The following SEMA3D variants were observed in gnomAD, a reference collection of about 807,000 sequenced individuals.
SEMA3D encodes semaphorin 3D, also known as semaphorin-3D.
SEMA3D carries 84 observed loss-of-function variants against 100.1 expected under a neutral mutation model. The observed-to-expected ratio is 0.84, with a 90% CI of 0.70 to 1.01. SEMA3D has a LOEUF of 1.01. SEMA3D is among the 50% of genes least tolerant of loss of function. The pLI, the probability that SEMA3D is intolerant of heterozygous loss-of-function variation, is 0.00. For missense variants in SEMA3D, 875 were observed against 934.1 expected, an observed-to-expected ratio of 0.94 and a Z score of 0.82; for synonymous variants, 312 against 320.7, an observed-to-expected ratio of 0.97 and a Z score of 0.29.
rs1789510414 is a variant in SEMA3D at position 84,996,700 on chromosome 7, C to CAAAG, written c.*2736_*2739dup. 5 of 152,268 alleles carry CAAAG rather than the reference C, an allele frequency of 3.3e-5. No homozygotes were observed. In the South Asian group the frequency reaches 1.0e-3, roughly 32 times the overall value. The allele number at this position is 152,268 out of a possible 1,614,324, so 9.4% of individuals were successfully genotyped here. On this transcript the variant is annotated 3_prime_UTR_variant, in exon 19 of 19. Transcript: ENST00000284136. ...TTCAGAAAAGAACACACAAGGCAGA[C>CAAAG]AAAGACAAAAGTATTAGAGACAAGA...
chr7:85,102,304 G>A (rs890064974), intron 3 of SEMA3D, among the ~76,000 whole-genome samples: 5 of 152,076 alleles, frequency 3.3e-5, no homozygotes, highest in African/African-American at 2.4e-5. Context: ...CAGGTTGCAC[G>A]TACATACTGC....
At chr7:85,111,777 GTTAA>G (rs1420890717) in intron 3 of SEMA3D, among the ~76,000 whole-genome samples, 16 of 152,038 alleles carry the variant, frequency 1.1e-4, no homozygotes, top group Admixed American at 3.3e-4. Context: ...CCTCTCTCCT[GTTAA>G]TTGTCTATTT....
chr7:85,203,564 T>G, the SEMA3D span, among the ~76,000 whole-genome samples: 74 of 152,196 alleles, frequency 4.9e-4, 1 homozygote, highest in Middle Eastern at 3.4e-3. Flanking sequence ...ACTGTGTGGG[T>G]AGAAGAGGTT....
intron 2 of SEMA3D, among the ~76,000 whole-genome samples, chr7:85,134,852 G>T (rs1350599748): frequency 6.6e-6 from 1 of 151,968 alleles, no homozygotes; most frequent in African/African-American, 2.4e-5. Flanking sequence ...CTCCCCAAGT[G>T]TCCAAGGAAC....
At chr7:85,104,744 T>C (rs890202484) in intron 3 of SEMA3D, among the ~76,000 whole-genome samples, 1 of 151,256 alleles carries the variant, frequency 6.6e-6, no homozygotes, top group African/African-American at 2.4e-5. Context: ...CTGGGTGGAG[T>C]TGTCAGTTTC....
At chr7:85,175,177 C>T (rs1228889186) in intron 1 of SEMA3D, among the ~76,000 whole-genome samples, 1 of 152,050 alleles carries the variant, frequency 6.6e-6, no homozygotes, top group Admixed American at 6.6e-5. Flanking sequence ...TGAAAGTGCA[C>T]AGGATATGAA....
At chr7:85,001,904 A>G (rs1046484896) in intron 18 of SEMA3D, among the ~76,000 whole-genome samples, 1 of 152,126 alleles carries the variant, frequency 6.6e-6, no homozygotes, top group Non-Finnish European at 1.5e-5. Context: ...TCATCTCTAG[A>G]TTTCCTTTAC....
At chr7:85,172,003 T>G (rs934597860) in intron 1 of SEMA3D, among the ~76,000 whole-genome samples, 5 of 151,550 alleles carry the variant, frequency 3.3e-5, no homozygotes, top group East Asian at 3.9e-4. Flanking sequence ...ATAATATATA[T>G]AGAGAGAGAC....
chr7:85,035,086 C>T (rs1448612914), intron 12 of SEMA3D, among the ~76,000 whole-genome samples: 3 of 151,572 alleles, frequency 2.0e-5, no homozygotes, highest in South Asian at 2.1e-4. Flanking sequence ...AAATGTCTGT[C>T]AACAGATGAA....
intron 8 of SEMA3D, among the ~76,000 whole-genome samples, chr7:85,059,740 A>G (rs1463335988): frequency 2.6e-5 from 4 of 152,204 alleles, no homozygotes; most frequent in African/African-American, 9.6e-5. Context: ...AAGGGGTTCC[A>G]TGAGCTGATT....
chr7:85,090,377 G>C (rs186496360), intron 4 of SEMA3D, among the ~76,000 whole-genome samples: 1 of 152,052 alleles, frequency 6.6e-6, no homozygotes, highest in South Asian at 2.1e-4. Flanking sequence ...TGAACGAGTC[G>C]ATTGTTTTAG....
chr7:85,072,439 T>C (rs1791800653), intron 6 of SEMA3D, among the ~76,000 whole-genome samples: 3 of 152,324 alleles, frequency 2.0e-5, no homozygotes, highest in Middle Eastern at 3.4e-3. Context: ...GCAATTCCAC[T>C]GCAAGATCTT....
upstream of SEMA3D, among the ~76,000 whole-genome samples, chr7:85,187,579 T>C (rs1791596257): frequency 6.6e-6 from 1 of 152,122 alleles, no homozygotes; most frequent in Non-Finnish European, 1.5e-5. Flanking sequence ...AATCCTTTCT[T>C]CCTCTTTCCC....
Position 85,028,886 on chromosome 7 carries a change from C to T in SEMA3D, c.1192-6273G>A, listed in dbSNP as rs1584534985. 6 of 245,232 alleles carry T rather than the reference C, an allele frequency of 2.4e-5. No homozygotes were observed. The South Asian group carries it at 3.8e-4, about 16-fold the overall frequency. 15.2% of individuals were successfully genotyped at this position (245,232 alleles called of 1,614,324 possible). A position where few individuals can be genotyped will look rare whatever the true frequency, so the allele number is the denominator to read the frequency against. The stretch of plus-strand genomic sequence containing the variant: ...AGATTTAGTAGCTTCTCCAAGGCAT[C>T]TTCAATGGAAAATAGCTGAATGAGA... On this transcript the variant is annotated intron_variant, in intron 12 of 18. Transcript: ENST00000284136.
At chr7:85,127,527 A>C (rs564953499) in intron 2 of SEMA3D, among the ~76,000 whole-genome samples, 2 of 152,222 alleles carry the variant, frequency 1.3e-5, no homozygotes, top group African/African-American at 4.8e-5. Context: ...TGTGGGTTTC[A>C]TTTTTTCCTG....
In SEMA3D at chr7:85,006,848, G is replaced by A; in HGVS notation, c.1862C>T (p.Thr621Ile). The change falls in exon 18 of 19, where the codon ACT becomes ATT. Residue 621 changes from threonine to isoleucine, a missense_variant. By Grantham distance (89) the Thr-to-Ile change is moderately conservative. Transcript: ENST00000284136. ...TGACCTCTGGATATACCATTTAATA[G>A]TTGCTTGTTGGGATTTAGGTATACA... ...LECIPKSQQA[T>I]IKWYIQRSGD... 6.2e-7 allele frequency: 1 copy of A among 1,610,854 alleles called. No homozygotes were observed. Among genetic ancestry groups the A allele is most frequent in the Non-Finnish European group, 8.5e-7 (1 of 1,177,998 alleles).
At chr7:85,153,085 C>G (rs1393482684) in intron 2 of SEMA3D, among the ~76,000 whole-genome samples, 1 of 152,082 alleles carries the variant, frequency 6.6e-6, no homozygotes, top group Non-Finnish European at 1.5e-5. Flanking sequence ...TTCTCATATG[C>G]CAACGTGTGC....
chr7:85,037,768 T>A (rs1790741755), intron 11 of SEMA3D, among the ~76,000 whole-genome samples: 1 of 152,158 alleles, frequency 6.6e-6, no homozygotes, highest in South Asian at 2.1e-4. Context: ...TTCAAATTTT[T>A]GCAAACTACT....
intron 12 of SEMA3D, among the ~76,000 whole-genome samples, chr7:85,024,713 A>G (rs538275076): frequency 6.6e-6 from 1 of 152,142 alleles, no homozygotes; most frequent in African/African-American, 2.4e-5. Context: ...ATTGCTATGC[A>G]TGATATCTCA....
Sources: allele counts gnomAD v4.1 joint callset (sites outside exome capture counted in the v4.1 genomes callset), GRCh38; gene constraint gnomAD v4.1.1; transcripts MANE v1.5; gene names NCBI Gene and HGNC (gene_info 2026-07-23, HGNC 2026-07-21).